Variants in CCDC150 observed in about 807,000 individuals in gnomAD.
CCDC150 encodes coiled-coil domain-containing protein 150.
CCDC150 carries 151 observed loss-of-function variants against 156.5 expected under a neutral mutation model. The ratio of observed to expected loss-of-function variants is 0.97; its 90% confidence interval spans 0.85 to 1.10. The LOEUF is 1.10. CCDC150 is among the 50% of genes least tolerant of loss of function. CCDC150 has a pLI of 0.00. For missense variants in CCDC150, 1,312 were observed against 1,268.1 expected, an observed-to-expected ratio of 1.03 and a Z score of -0.53; for synonymous variants, 452 against 429.4, an observed-to-expected ratio of 1.05 and a Z score of -0.65.
In CCDC150 at chr2:196,726,070, A is replaced by C. The variant is rs371121100; in HGVS notation, c.2527A>C (p.Lys843Gln). Residue 843 changes from lysine to glutamine, a missense_variant, in exon 22 of 28, where the codon AAG becomes CAG. By Grantham distance (53) the Lys-to-Gln change is moderately conservative. Coordinates refer to ENST00000389175, the MANE Select transcript of CCDC150 (RefSeq NM_001080539.2). ...KQFQTERETT[K>Q]KVAQREVAEL... ...GTTTCAAACCGAGAGAGAAACTACA[A>C]AGAAAGTGGCACAACGGGAAGTGGC... 10 of 1,613,236 alleles carry C rather than the reference A, an allele frequency of 6.2e-6. No homozygotes were observed. Among genetic ancestry groups the C allele is most frequent in the Non-Finnish European group, 8.5e-6 (10 of 1,179,556 alleles).
chr2:196,667,084 C>G (rs4850721), intron 7 of CCDC150: 393,965 of 516,776 alleles, frequency 0.76, 150,769 homozygotes, highest in East Asian at 0.84. Flanking sequence ...TTTTTTCCAG[C>G]TTGTTTGTGG....
chr2:196,688,680 C>T (rs1695260127), intron 13 of CCDC150, among the ~76,000 whole-genome samples: 1 of 151,956 alleles, frequency 6.6e-6, no homozygotes, highest in South Asian at 2.1e-4. Flanking sequence ...AAAATTTTCT[C>T]CCATTTTGTA....
chr2:196,690,415 T>G (rs1379087657), intron 13 of CCDC150, among the ~76,000 whole-genome samples: 2 of 152,184 alleles, frequency 1.3e-5, no homozygotes, highest in African/African-American at 4.8e-5. Context: ...CTAAAACGTT[T>G]TAATTGTACA....
intron 15 of CCDC150, among the ~76,000 whole-genome samples, chr2:196,703,423 TA>T (rs1696375011): frequency 6.6e-6 from 1 of 152,192 alleles, no homozygotes; most frequent in South Asian, 2.1e-4. Context: ...ATTTAAATAT[TA>T]TCTACATTTA....
intron 13 of CCDC150, among the ~76,000 whole-genome samples, chr2:196,681,138 A>C (rs1452948928): frequency 6.6e-6 from 1 of 152,152 alleles, no homozygotes. Context: ...AGCCCCTGAC[A>C]ACAACTAGTT....
chr2:196,710,915 G>T (rs1697070273), intron 15 of CCDC150, among the ~76,000 whole-genome samples: 1 of 151,596 alleles, frequency 6.6e-6, no homozygotes, highest in Admixed American at 6.6e-5. Flanking sequence ...TGGCATATAT[G>T]TCTGAAAGAT....
chr2:196,715,317 T>C (rs1451213219), intron 17 of CCDC150, among the ~76,000 whole-genome samples: 4 of 152,168 alleles, frequency 2.6e-5, no homozygotes, highest in Non-Finnish European at 5.9e-5. Context: ...CTTCAAGATA[T>C]ATATATATTA....
intron 5 of CCDC150, among the ~76,000 whole-genome samples, chr2:196,663,364 A>G (rs1693661859): frequency 6.6e-6 from 1 of 152,248 alleles, no homozygotes; most frequent in African/African-American, 2.4e-5. Flanking sequence ...AAGATATTTA[A>G]TCTCACAGTA....
intron 21 of CCDC150, among the ~76,000 whole-genome samples, chr2:196,721,987 C>T (rs1697947182): frequency 6.6e-6 from 1 of 152,176 alleles, no homozygotes; most frequent in Admixed American, 6.5e-5. Context: ...GGGACGTTCA[C>T]ATGTTTCTAT....
intron 15 of CCDC150, among the ~76,000 whole-genome samples, chr2:196,703,304 A>T (rs1380185530): frequency 6.6e-6 from 1 of 152,242 alleles, no homozygotes; most frequent in African/African-American, 2.4e-5. Flanking sequence ...AAGGTAGTCG[A>T]TAAGCCATGC....
At chr2:196,649,301 A>G (rs1251959296) in intron 2 of CCDC150, among the ~76,000 whole-genome samples, 1 of 152,212 alleles carries the variant, frequency 6.6e-6, no homozygotes, top group Non-Finnish European at 1.5e-5. Flanking sequence ...CATGTGGCAC[A>G]TAAGGACATT....
At chr2:196,698,458 T>C (rs1695962655) in intron 14 of CCDC150, among the ~76,000 whole-genome samples, 1 of 152,206 alleles carries the variant, frequency 6.6e-6, no homozygotes, top group South Asian at 2.1e-4. Flanking sequence ...AAAGCTCCAT[T>C]ATTTTTTAAA....
At position 196,669,410 on chromosome 2, in the gene CCDC150, T is replaced by C. The variant is rs1410984081; in HGVS notation, c.893-423T>C. ...AGCCATCAAGTCCAAAAGTGCTCTC[T>C]GTTTACTGTTTCACAGATCTGTTTT... On this transcript the variant is annotated intron_variant, in intron 7 of 27. Transcript: ENST00000389175. Among the ~76,000 whole-genome samples the C allele has an allele frequency of 2.0e-5, 3 of 152,212 alleles. No individual in the cohort carries two copies. In the South Asian group the frequency reaches 6.2e-4, roughly 31 times the overall value.
chr2:196,723,589 G>A (rs192553323), intron 21 of CCDC150, among the ~76,000 whole-genome samples: 2 of 152,334 alleles, frequency 1.3e-5, no homozygotes, highest in Admixed American at 1.3e-4. Context: ...GTCAGAACTT[G>A]GAGATGTGTT....
rs187726373 is a variant in CCDC150, at chr2:196,684,800, C to G, written c.1509+7439C>G. ...AAACACTTTTTCAGTGTATAATGCC[C>G]TTTATCTCACCAGTTTTTTCTTAAT... is the stretch of plus-strand genomic sequence containing the variant. On this transcript the variant is annotated intron_variant, in intron 13 of 27. Transcript: ENST00000389175. 2.6e-5 allele frequency among the ~76,000 whole-genome samples: 4 copies of G among 151,886 alleles called. No homozygotes were observed. The East Asian group carries it at 7.7e-4, about 29-fold the overall frequency.
chr2:196,649,414 G>A (rs1279689137), intron 2 of CCDC150, among the ~76,000 whole-genome samples: 1 of 152,310 alleles, frequency 6.6e-6, no homozygotes, highest in South Asian at 2.1e-4. Flanking sequence ...TAATGTTGCA[G>A]TGCAAGGCAT....
intron 5 of CCDC150, among the ~76,000 whole-genome samples, chr2:196,660,284 T>A (rs1047512190): frequency 6.6e-6 from 1 of 152,208 alleles, no homozygotes; most frequent in Admixed American, 6.5e-5. Flanking sequence ...GTGTGCAGGT[T>A]CTTACATAGA....
At chr2:196,641,039 T>G (rs1351230201) in intron 1 of CCDC150, among the ~76,000 whole-genome samples, 1 of 152,208 alleles carries the variant, frequency 6.6e-6, no homozygotes, top group Non-Finnish European at 1.5e-5. Flanking sequence ...CTCAGCTCAC[T>G]GCAAGCTCCG....
intron 5 of CCDC150, among the ~76,000 whole-genome samples, chr2:196,663,616 AC>A (rs1227643296): frequency 3.3e-5 from 5 of 152,070 alleles, no homozygotes; most frequent in Non-Finnish European, 7.4e-5. Flanking sequence ...AGCAGTATTT[AC>A]AGTAGTGAAA....
Sources: allele counts gnomAD v4.1 joint callset (sites outside exome capture counted in the v4.1 genomes callset), GRCh38; gene constraint gnomAD v4.1.1; transcripts MANE v1.5; gene names NCBI Gene and HGNC (gene_info 2026-07-23, HGNC 2026-07-21).